KCNU1: variants seen among roughly 807,000 people sequenced by gnomAD.
KCNU1 encodes potassium calcium-activated channel subfamily U member 1.
A neutral mutation model predicts 126.8 loss-of-function variants in KCNU1; 93 were observed. The observed-to-expected ratio is 0.73, with a 90% CI of 0.62 to 0.87. KCNU1 has a LOEUF of 0.87. KCNU1 is among the 40% of genes least tolerant of loss of function. KCNU1 has a pLI of 0.00. For synonymous variants in KCNU1, 523 were observed against 494.2 expected (o/e 1.06, Z -0.77); for missense variants, 1,330 against 1,367.1 (o/e 0.97, Z 0.43).
At chr8:36,836,601 A>G (rs950484692) in intron 13 of KCNU1, among the ~76,000 whole-genome samples, 192 bp from the exon 14 acceptor site, 3 of 152,230 alleles carry the variant, frequency 2.0e-5, no homozygotes, top group East Asian at 3.9e-4. Context: ...AATGAGAGCC[A>G]TTGACCACTA....
rs34121138 is a variant in KCNU1, at chr8:36,879,211, G to GTATATATATATATATA, written c.2009+14703_2009+14718dup. 1.8e-3 allele frequency among the ~76,000 whole-genome samples: 185 copies of GTATATATATATATATA among 101,688 alleles called. 1 individual carries two copies. Among genetic ancestry groups the GTATATATATATATATA allele is most frequent in the African/African-American group, 3.0e-3 (85 of 28,698 alleles). 66.7% of individuals were successfully genotyped at this position (101,688 alleles called of 152,430 possible). ...TATGTATGTGTGTGTGTGTGTGTGT[G>GTATATATATATATATA]TATATATATATATATATATATATAT... On this transcript the variant is annotated intron_variant, in intron 19 of 26. Transcript: ENST00000399881.
At chr8:36,789,375 A>G (rs1273371320) in intron 2 of KCNU1, among the ~76,000 whole-genome samples, 7 of 151,434 alleles carry the variant, frequency 4.6e-5, no homozygotes, top group African/African-American at 7.3e-5. Flanking sequence ...AAAAAAAAAC[A>G]CTCTAGCATG....
At chr8:36,922,690 T>C (rs1204619594) in intron 24 of KCNU1, 61 bp downstream of exon 24, 1 of 1,548,168 alleles carries the variant, frequency 6.5e-7, no homozygotes, top group African/African-American at 1.4e-5. Context: ...AGTGAACAGG[T>C]AGTATAAGGC....
At chr8:36,916,379 G>C (rs911677561) in intron 22 of KCNU1, among the ~76,000 whole-genome samples, 1 of 150,772 alleles carries the variant, frequency 6.6e-6, no homozygotes, top group African/African-American at 2.4e-5. Flanking sequence ...GGAAGACAGG[G>C]AGGAAATGAG....
At chr8:36,934,081 A>G (rs949244679) in intron 26 of KCNU1, among the ~76,000 whole-genome samples, 1 of 152,094 alleles carries the variant, frequency 6.6e-6, no homozygotes, top group African/African-American at 2.4e-5. Context: ...AGGGAGTGAG[A>G]GAGAAAGTAT....
At chr8:36,932,805 G>A (rs1352439183) in intron 25 of KCNU1, 115 bp from the exon 26 acceptor site, 10 of 654,986 alleles carry the variant, frequency 1.5e-5, no homozygotes, top group Admixed American at 2.5e-5. Flanking sequence ...AAAGATATTA[G>A]GAAATGGCTT....
At chr8:36,810,100 A>T (rs1161042846) in intron 7 of KCNU1, among the ~76,000 whole-genome samples, 1 of 152,092 alleles carries the variant, frequency 6.6e-6, no homozygotes, top group African/African-American at 2.4e-5. Flanking sequence ...AAAAATACAA[A>T]AATTAGCCAG....
intron 23 of KCNU1, among the ~76,000 whole-genome samples, chr8:36,921,907 T>C (rs1009848829): frequency 3.9e-5 from 6 of 152,144 alleles, no homozygotes; most frequent in African/African-American, 1.4e-4. Context: ...CAGCAGCATC[T>C]GGGAACTGGC....
chr8:36,892,815 G>GATCAGC (rs1807020133), intron 19 of KCNU1, among the ~76,000 whole-genome samples: 1 of 152,064 alleles, frequency 6.6e-6, no homozygotes, highest in Admixed American at 6.6e-5. Context: ...GCAGTCTCAA[G>GATCAGC]ATCAGCCAGA....
At chr8:36,833,792 T>G in intron 11 of KCNU1, 133 bp downstream of exon 11, 1 of 548,748 alleles carries the variant, frequency 1.8e-6, no homozygotes, top group Non-Finnish European at 3.3e-6. Context: ...TCCTCAACTT[T>G]AAAAACAATT....
rs115248021 is a variant in KCNU1 at position 36,815,682 on chromosome 8, A to C, written c.990A>C (p.Gly330=). 1.2e-3 allele frequency: 1,903 copies of C among 1,547,638 alleles called. 28 individuals are homozygous for C. In the African/African-American group the frequency reaches 0.023, roughly 19 times the overall value. The change falls in exon 9 of 27, where the codon GGA becomes GGC. Residue 330 remains glycine (G), a synonymous_variant. Transcript: ENST00000399881. ...CCAGTTCCTATGAAGCACTCAAAGG[A>C]AAGAAGTAAGTAGTGTTTTAAGTAT... is the stretch of plus-strand genomic sequence containing the variant. ...KYTSSYEALK[G]KKFIVVCGNI...
chr8:36,793,969 A>G (rs1031733511), intron 2 of KCNU1, among the ~76,000 whole-genome samples: 2 of 149,304 alleles, frequency 1.3e-5, no homozygotes, highest in East Asian at 4.0e-4. Flanking sequence ...CAGGAGAATC[A>G]CTTGAACCTG....
chr8:36,914,835 T>G (rs1363141475), intron 22 of KCNU1, among the ~76,000 whole-genome samples: 1 of 152,218 alleles, frequency 6.6e-6, no homozygotes, highest in Admixed American at 6.5e-5. Flanking sequence ...GAAATTTAAA[T>G]GTACCGAAGT....
At chr8:36,799,461 G>C (rs1335894984) in intron 2 of KCNU1, among the ~76,000 whole-genome samples, 3 of 151,400 alleles carry the variant, frequency 2.0e-5, no homozygotes, top group East Asian at 1.9e-4. Flanking sequence ...TTTTGGGAGG[G>C]GGGGCAGGGT....
intron 7 of KCNU1, among the ~76,000 whole-genome samples, chr8:36,811,669 C>T (rs894718984): frequency 2.6e-5 from 4 of 152,154 alleles, no homozygotes; most frequent in Non-Finnish European, 4.4e-5. Flanking sequence ...CGGTGGCTCA[C>T]GCTTTTAATC....
At chr8:36,816,136 T>C (rs895214216) in intron 9 of KCNU1, among the ~76,000 whole-genome samples, 2 of 152,182 alleles carry the variant, frequency 1.3e-5, no homozygotes, top group Non-Finnish European at 2.9e-5. Flanking sequence ...AAAGCTCCCC[T>C]AAACCATCGG....
chr8:36,820,140 C>A (rs1340335560), intron 10 of KCNU1, among the ~76,000 whole-genome samples: 1 of 152,100 alleles, frequency 6.6e-6, no homozygotes, highest in East Asian at 1.9e-4. Context: ...GATGAATGTA[C>A]CTACGTGGAT....
chr8:36,864,623 A>G, intron 19 of KCNU1, 102 bp downstream of exon 19: 1 of 711,792 alleles, frequency 1.4e-6, no homozygotes, highest in Non-Finnish European at 2.5e-6. Context: ...AAACTCCTAT[A>G]CTGACCAATG....
chr8:36,862,816 A>G (rs2117331892), intron 18 of KCNU1, among the ~76,000 whole-genome samples: 1 of 152,272 alleles, frequency 6.6e-6, no homozygotes, highest in East Asian at 1.9e-4. Context: ...TAAAAGTTCT[A>G]TAATTCCTAG....
Sources: gnomAD v4.1 joint callset for allele counts (sites outside exome capture counted in the v4.1 genomes callset) on GRCh38, gnomAD v4.1.1 for gene constraint, MANE v1.5 for transcripts, NCBI Gene and HGNC (gene_info 2026-07-23, HGNC 2026-07-21) for gene names.